The following UGCG variants were observed in gnomAD, a reference collection of about 807,000 sequenced individuals.
The protein encoded by UGCG is UDP-glucose ceramide glucosyltransferase.
Under a neutral mutation model 49.5 loss-of-function variants are expected in UGCG, and 10 were observed. The observed-to-expected ratio is 0.20, with a 90% CI of 0.12 to 0.34. UGCG has a LOEUF of 0.34. Ranked by LOEUF, UGCG falls within the 10% of genes least tolerant of loss-of-function variation. UGCG has a pLI of 1.00. For synonymous variants in UGCG, 182 were observed against 158.2 expected (o/e 1.15, Z -1.13); for missense variants, 312 against 483.7 (o/e 0.65, Z 3.33).
chr9:111,897,292 A>G lies in UGCG; in HGVS notation c.77A>G (p.His26Arg). The change falls in exon 1 of 9, where the codon CAT (histidine) becomes CGT (arginine). Residue 26 changes from histidine to arginine, a missense_variant. His to Arg is a conservative substitution (Grantham distance 29, BLOSUM62 0). This residue lies in a region of UGCG where 65 missense variants were observed against 74.7 expected (regional missense o/e 0.87). Coordinates refer to ENST00000374279, the MANE Select transcript of UGCG (RefSeq NM_003358.3). The stretch of plus-strand genomic sequence containing the variant: ...CTCTTCTTGGTGCTGTGGCTGATGC[A>G]TTTCATGGCTATCATCTACACGTGA... ...FVLFLVLWLMHFMAIIYTRLH... is the reference protein window; with the variant it reads ...FVLFLVLWLMRFMAIIYTRLH... The G allele has an allele frequency of 6.4e-7, 1 of 1,558,644 alleles. No individual in the cohort carries two copies. Among genetic ancestry groups the G allele is most frequent in the Non-Finnish European group, 8.7e-7 (1 of 1,151,722 alleles).
chr9:111,932,447 A>G, intron 8 of UGCG, 88 bp downstream of exon 8: 1 of 1,331,402 alleles, frequency 7.5e-7, no homozygotes, highest in Non-Finnish European at 1.0e-6. Flanking sequence ...AATGTATCTG[A>G]GCCATTCTTC....
intron 1 of UGCG, among the ~76,000 whole-genome samples, chr9:111,910,648 C>T (rs1219287158): frequency 2.0e-5 from 3 of 152,078 alleles, no homozygotes. Context: ...CCCTCATTTC[C>T]TTCTCTTCTC....
At chr9:111,899,365 T>C (rs1232171212) in intron 1 of UGCG, among the ~76,000 whole-genome samples, 2 of 152,236 alleles carry the variant, frequency 1.3e-5, no homozygotes, top group African/African-American at 4.8e-5. Context: ...TTCACTGTTT[T>C]CTGTTTCTAT....
At chr9:111,923,768 G>A (rs982793194) in intron 3 of UGCG, among the ~76,000 whole-genome samples, 20 of 152,180 alleles carry the variant, frequency 1.3e-4, no homozygotes, top group African/African-American at 4.3e-4. Flanking sequence ...GAGCAGCTGG[G>A]ATCACAGGCG....
chr9:111,897,776 T>A (rs965672386), intron 1 of UGCG, among the ~76,000 whole-genome samples: 2 of 151,840 alleles, frequency 1.3e-5, no homozygotes, highest in Non-Finnish European at 2.9e-5. Context: ...CTGGAAGGGC[T>A]CTATGCGCTT....
intron 2 of UGCG, among the ~76,000 whole-genome samples, 197 bp from the exon 3 acceptor site, chr9:111,922,652 G>T (rs762187451): frequency 3.9e-5 from 6 of 152,086 alleles, no homozygotes; most frequent in Non-Finnish European, 7.4e-5. Context: ...TTGCAGATAG[G>T]CTCCTAATTA....
At position 111,933,184 on chromosome 9, in the gene UGCG, C is replaced by A; in HGVS notation, c.*187C>A. On this transcript the variant is annotated 3_prime_UTR_variant, in exon 9 of 9. Transcript: ENST00000374279. Reference sequence around the variant, plus strand: ...AAAAAAACACATCTGTAGTCTTGGCCAAATGATACACTTTATTTTGTGGAA... The same window carrying A: ...AAAAAAACACATCTGTAGTCTTGGCAAAATGATACACTTTATTTTGTGGAA... The A allele has an allele frequency of 4.6e-6, 2 of 433,188 alleles. No homozygotes were observed. Among genetic ancestry groups the A allele is most frequent in the Non-Finnish European group, 7.2e-6 (2 of 277,108 alleles). The allele number at this position is 433,188 out of a possible 1,614,324, so 26.8% of individuals were successfully genotyped here.
chr9:111,911,789 C>T lies in UGCG; in HGVS notation c.99-2816C>T, dbSNP rs117978439. Among the ~76,000 whole-genome samples, 6 of 151,132 alleles carry T rather than the reference C, an allele frequency of 4.0e-5. No individual in the cohort carries two copies. The East Asian group carries it at 9.7e-4, about 24-fold the overall frequency. Reference sequence around the variant, plus strand: ...TGGAGTGTACCTGTTATCCTAGCTACTGGGGAGGCTAAGGTGGCAGGATCG... The same window carrying T: ...TGGAGTGTACCTGTTATCCTAGCTATTGGGGAGGCTAAGGTGGCAGGATCG... On this transcript the variant is annotated intron_variant, in intron 1 of 8. Transcript: ENST00000374279.
Position 111,897,055 on chromosome 9 carries a change from T to TG in UGCG, c.-160dup. 4.4e-5 allele frequency: 17 copies of TG among 388,478 alleles called. No homozygotes were observed. Among genetic ancestry groups the TG allele is most frequent in the Non-Finnish European group, 5.0e-5 (11 of 220,610 alleles). The allele number at this position is 388,478 out of a possible 1,614,324, so 24.1% of individuals were successfully genotyped here. On this transcript the variant is annotated 5_prime_UTR_variant, in exon 1 of 9. Coordinates refer to ENST00000374279, the MANE Select transcript of UGCG (RefSeq NM_003358.3). ...CGCGCGGGCGGGGGCGCGCAGGCCCTGCCCGCCCCTTCCGTCCCCACCCCC... is the reference window on the plus strand; with the variant it reads ...CGCGCGGGCGGGGGCGCGCAGGCCCTGGCCCGCCCCTTCCGTCCCCACCCCC...
intron 6 of UGCG, among the ~76,000 whole-genome samples, chr9:111,930,611 G>T (rs1023976553): frequency 1.3e-5 from 2 of 151,964 alleles, no homozygotes; most frequent in African/African-American, 4.8e-5. Context: ...GGGATTATAG[G>T]CACCCGCCGC....
At position 111,924,807 on chromosome 9, in the gene UGCG, T is replaced by G; in HGVS notation, c.374T>G (p.Ile125Ser). 6.5e-7 allele frequency: 1 copy of G among 1,540,072 alleles called. No homozygotes were observed. Among genetic ancestry groups the G allele is most frequent in the Non-Finnish European group, 8.7e-7 (1 of 1,150,344 alleles). ...GGKKVGINPK[I>S]NNLMPGYEVA... is the part of the protein sequence containing the mutation. ...AAAAAAGTTGGCATTAATCCTAAAA[T>G]TAATAATTTAATGCCAGGATATGAA... The change falls in exon 4 of 9, where the codon ATT becomes AGT. Residue 125 changes from isoleucine to serine, a missense_variant. Ile to Ser is a moderately radical substitution (Grantham distance 142). This residue lies in a region of UGCG where 64 missense variants were observed against 67.6 expected (regional missense o/e 0.95). Transcript: ENST00000374279.
intron 1 of UGCG, among the ~76,000 whole-genome samples, chr9:111,898,134 A>G (rs1837700069): frequency 6.6e-6 from 1 of 151,672 alleles, no homozygotes. Context: ...CGAAGCGTGT[A>G]AGTAAAATAG....
chr9:111,897,281 G>T lies in UGCG; in HGVS notation c.66G>T (p.Leu22=). The T allele has an allele frequency of 6.4e-7, 1 of 1,560,734 alleles. No individual in the cohort carries two copies. ...TCGGGTTCGTCCTCTTCTTGGTGCT[G>T]TGGCTGATGCATTTCATGGCTATCA... ...AVFGFVLFLV[L]WLMHFMAIIY... is the part of the protein sequence containing the mutation. Residue 22 remains leucine (L), a synonymous_variant, in exon 1 of 9, where the codon CTG becomes CTT. Coordinates refer to ENST00000374279, the MANE Select transcript of UGCG (RefSeq NM_003358.3).
At chr9:111,903,491 G>C (rs371432847) in intron 1 of UGCG, among the ~76,000 whole-genome samples, 5 of 152,214 alleles carry the variant, frequency 3.3e-5, no homozygotes, top group East Asian at 3.9e-4. Context: ...CTTGAACCCA[G>C]GAGGTGGGGC....
At chr9:111,907,869 TCCTCC>T (rs1837917260) in intron 1 of UGCG, among the ~76,000 whole-genome samples, 1 of 152,160 alleles carries the variant, frequency 6.6e-6, no homozygotes, top group African/African-American at 2.4e-5. Context: ...CCTCAAATTA[TCCTCC>T]CGCCTTGGCC....
intron 1 of UGCG, among the ~76,000 whole-genome samples, chr9:111,902,655 T>G (rs1031986374): frequency 6.6e-6 from 1 of 152,200 alleles, no homozygotes; most frequent in African/African-American, 2.4e-5. Flanking sequence ...TAGAGTCAGA[T>G]AAATTGGTTC....
intron 1 of UGCG, among the ~76,000 whole-genome samples, chr9:111,902,068 T>C (rs1589516355): frequency 6.6e-6 from 1 of 152,214 alleles, no homozygotes; most frequent in East Asian, 1.9e-4. Context: ...ACAATGTGCT[T>C]TCTTTGGAAT....
At position 111,933,243 on chromosome 9, in the gene UGCG, G is replaced by A. The variant is rs1229470559; in HGVS notation, c.*246G>A. On this transcript the variant is annotated 3_prime_UTR_variant, in exon 9 of 9. Coordinates refer to ENST00000374279, the MANE Select transcript of UGCG (RefSeq NM_003358.3). ...TCAAGAGAATTGGTTCTAGGAACCT[G>A]GGTTCGTTCATCATTGTTGTTTATT... The A allele has an allele frequency of 2.8e-5, 7 of 252,604 alleles. No individual in the cohort carries two copies. The highest frequency in any genetic ancestry group is 4.5e-5 in the African/African-American group (2 of 44,622). The allele number at this position is 252,604 out of a possible 1,614,324, so 15.6% of individuals were successfully genotyped here.
At chr9:111,922,791 G>T (rs937414873) in intron 2 of UGCG, 58 bp from the exon 3 acceptor site, 2 of 1,246,016 alleles carry the variant, frequency 1.6e-6, no homozygotes, top group African/African-American at 3.0e-5. Context: ...ATCAATACAT[G>T]CTAGTAAGTG....
Sources: gnomAD v4.1 joint callset for allele counts (sites outside exome capture counted in the v4.1 genomes callset) on GRCh38, gnomAD v4.1.1 for gene constraint, gnomAD v4.1.1 regional missense constraint, MANE v1.5 for transcripts, NCBI Gene and HGNC (gene_info 2026-07-23, HGNC 2026-07-21) for gene names.